KIF11: variants seen among roughly 807,000 people sequenced by gnomAD.
The protein encoded by KIF11 is kinesin-like protein KIF11.
In KIF11, 9 loss-of-function variants were observed where a neutral mutation model predicts 121.0. That is an observed-to-expected ratio of 0.07 (90% CI 0.04 to 0.13). KIF11 has a LOEUF of 0.13. Ranked by LOEUF, KIF11 falls within the 10% of genes least tolerant of loss-of-function variation. The pLI, the probability that KIF11 is intolerant of heterozygous loss-of-function variation, is 1.00. For missense variants in KIF11, 846 were observed against 1,217.5 expected (o/e 0.69, Z 4.54); for synonymous variants, 408 against 421.0 (o/e 0.97, Z 0.38).
chr10:92,652,833 C>G (rs919434081), intron 21 of KIF11, among the ~76,000 whole-genome samples: 2 of 152,120 alleles, frequency 1.3e-5, no homozygotes, highest in Non-Finnish European at 2.9e-5. Context: ...GGTTTTAGAC[C>G]TTCAGCTGAA....
chr10:92,598,692 C>T (rs1714295096), intron 1 of KIF11, among the ~76,000 whole-genome samples: 1 of 152,160 alleles, frequency 6.6e-6, no homozygotes, highest in Admixed American at 6.5e-5. Flanking sequence ...GTATTGGCAT[C>T]TTAACAATAT....
intron 10 of KIF11, among the ~76,000 whole-genome samples, chr10:92,625,645 C>T (rs1017389665): frequency 6.6e-5 from 10 of 152,052 alleles, no homozygotes; most frequent in African/African-American, 1.7e-4. Context: ...TACCGTGCCC[C>T]GCTGGGTGTA....
chr10:92,637,345 A>C (rs1461467561), intron 15 of KIF11, 36 bp downstream of exon 15: 1 of 1,580,300 alleles, frequency 6.3e-7, no homozygotes, highest in Non-Finnish European at 8.5e-7. Context: ...CTCAAAATTG[A>C]TGTGTTGTTT....
intron 1 of KIF11, among the ~76,000 whole-genome samples, chr10:92,594,907 G>A (rs776273396): frequency 4.6e-5 from 7 of 151,718 alleles, no homozygotes; most frequent in Non-Finnish European, 7.4e-5. Context: ...CTTTCAAATA[G>A]CCTTCCTGGT....
At chr10:92,621,611 T>TG in intron 10 of KIF11, 138 bp downstream of exon 10, 1 of 578,740 alleles carries the variant, frequency 1.7e-6, no homozygotes, top group Non-Finnish European at 3.1e-6. Context: ...TGTGTGTGTG[T>TG]TTTCTTTTGA....
chr10:92,623,261 A>G (rs548789285), intron 10 of KIF11, among the ~76,000 whole-genome samples: 4 of 152,290 alleles, frequency 2.6e-5, no homozygotes, highest in African/African-American at 7.2e-5. Context: ...GGCAACCACT[A>G]ATCTGTTCAC....
At chr10:92,617,669 T>C (rs1844571888) in intron 9 of KIF11, among the ~76,000 whole-genome samples, 1 of 152,204 alleles carries the variant, frequency 6.6e-6, no homozygotes, top group Non-Finnish European at 1.5e-5. Flanking sequence ...ACACTTGTTA[T>C]GGTCGGTCTT....
chr10:92,600,801 G>C (rs992170799), intron 1 of KIF11, among the ~76,000 whole-genome samples: 3 of 151,754 alleles, frequency 2.0e-5, no homozygotes, highest in Non-Finnish European at 4.4e-5. Context: ...CGCCCGGCCA[G>C]ATTTTCTATA....
rs1844908181 is a variant in KIF11, at chr10:92,645,437, AG to A, written c.2344del (p.Glu782AsnfsTer17). ...KFCADSDGFS[Q>X]ELRNFNQEGT... ...TGTGCTGATTCTGATGGCTTCTCAC[AG>A]GAACTCAGAAATTTTAACCAAGAAG... On this transcript the variant is annotated frameshift_variant, in exon 18 of 22. Coordinates refer to ENST00000260731, the MANE Select transcript of KIF11 (RefSeq NM_004523.4). LOFTEE classifies it high-confidence loss of function. The A allele has an allele frequency of 6.2e-7, 1 of 1,613,704 alleles. No individual in the cohort carries two copies. Among genetic ancestry groups the A allele is most frequent in the African/African-American group, 1.3e-5 (1 of 74,934 alleles).
intron 8 of KIF11, among the ~76,000 whole-genome samples, chr10:92,614,359 A>C (rs1844531264): frequency 6.6e-6 from 1 of 152,142 alleles, no homozygotes; most frequent in African/African-American, 2.4e-5. Context: ...TGTCTCCCAA[A>C]GTTCTAGGAT....
chr10:92,647,646 T>C (rs1237437242), intron 18 of KIF11, among the ~76,000 whole-genome samples: 2 of 152,118 alleles, frequency 1.3e-5, no homozygotes, highest in Non-Finnish European at 2.9e-5. Context: ...CTGAAGTAAA[T>C]GGATGAAATG....
chr10:92,609,464 C>T lies in KIF11; in HGVS notation c.653C>T (p.Ala218Val). 1 of 1,612,792 alleles carries T rather than the reference C, an allele frequency of 6.2e-7. No homozygotes were observed. The highest frequency in any genetic ancestry group is 8.5e-7 in the Non-Finnish European group (1 of 1,179,594). ...GTCTATCAAATTTTAGAAAAGGGGG[C>T]AGCAAAAAGGACAACTGCAGCTACT... is the stretch of plus-strand genomic sequence containing the variant. ...DEVYQILEKGAAKRTTAATLM... is the reference protein window; with the variant it reads ...DEVYQILEKGVAKRTTAATLM... The change falls in exon 6 of 22, where the codon GCA (alanine) becomes GTA (valine). Residue 218 changes from alanine (A) to valine (V), a missense_variant. Ala to Val is a moderately conservative substitution (Grantham distance 64). This residue lies in a region of KIF11 where 116 missense variants were observed against 285.3 expected (regional missense o/e 0.41). Coordinates refer to ENST00000260731, the MANE Select transcript of KIF11 (RefSeq NM_004523.4).
At chr10:92,610,710 G>A (rs185264239) in intron 6 of KIF11, among the ~76,000 whole-genome samples, 99 of 152,204 alleles carry the variant, frequency 6.5e-4, no homozygotes, top group Non-Finnish European at 7.6e-4. Flanking sequence ...TTATTGTTAG[G>A]ATTAGAAGTC....
At position 92,621,280 on chromosome 10, in the gene KIF11, TA is replaced by T. The variant is rs1351327687; in HGVS notation, c.1129-101del. ...CTTTTTATCATACTTCTTTAAGTTT[TA>T]AAAGACATAAAAAGGCTAACTTTAC... On this transcript the variant is annotated intron_variant, in intron 9 of 21. Transcript: ENST00000260731. 1.2e-5 allele frequency: 7 copies of T among 571,616 alleles called. No homozygotes were observed. In the Admixed American group the frequency reaches 1.9e-4, roughly 15 times the overall value. The allele number at this position is 571,616 out of a possible 1,614,324, so 35.4% of individuals were successfully genotyped here.
At position 92,618,657 on chromosome 10, in the gene KIF11, AG is replaced by A. The variant is rs1206442894; in HGVS notation, c.1128+1826del. 6.8e-3 allele frequency among the ~76,000 whole-genome samples: 1,030 copies of A among 151,322 alleles called. 10 individuals carry two copies. The highest frequency in any genetic ancestry group is 0.024 in the African/African-American group (978 of 40,996). ...AGGCTCTGTCTCAAAAAAAAAAAAA[AG>A]AAAAAAAGTAATAATACAGAGAAAT... On this transcript the variant is annotated intron_variant, in intron 9 of 21. Coordinates refer to ENST00000260731, the MANE Select transcript of KIF11 (RefSeq NM_004523.4).
chr10:92,645,303 G>A (rs1374197413), intron 17 of KIF11, 60 bp from the exon 18 acceptor site: 2 of 1,274,710 alleles, frequency 1.6e-6, no homozygotes, highest in Non-Finnish European at 2.2e-6. Context: ...ATCTTGGGAA[G>A]TTATATATCC....
chr10:92,616,801 A>G lies in KIF11; in HGVS notation c.1097A>G (p.Asn366Ser). ...AKNILNKPEV[N>S]QKLTKKALIK... ...AACATATTGAATAAGCCTGAAGTGA[A>G]TCAGAAACTCACCAAAAAAGCTCTT... The change falls in exon 9 of 22, where the codon AAT becomes AGT. Residue 366 changes from asparagine to serine, a missense_variant. By Grantham distance (46) the Asn-to-Ser change is conservative. Around this residue, in one of 5 missense-constraint regions of KIF11, gnomAD observed 116 missense variants for 285.3 expected, o/e 0.41. Transcript: ENST00000260731. 1 of 1,603,264 alleles carries G rather than the reference A, an allele frequency of 6.2e-7. No individual in the cohort carries two copies. Among genetic ancestry groups the G allele is most frequent in the Admixed American group, 1.7e-5 (1 of 58,532 alleles).
chr10:92,596,983 T>TA, intron 1 of KIF11: 1 of 380,874 alleles, frequency 2.6e-6, no homozygotes, highest in Non-Finnish European at 5.3e-6. Context: ...AGGCTGTAGA[T>TA]ACCAATGCAT....
At chr10:92,620,335 C>T (rs1481137986) in intron 9 of KIF11, among the ~76,000 whole-genome samples, 1 of 152,200 alleles carries the variant, frequency 6.6e-6, no homozygotes, top group Non-Finnish European at 1.5e-5. Context: ...CCGCCTCGGC[C>T]TCCCAAAGTG....
Sources: gnomAD v4.1 joint callset for allele counts (sites outside exome capture counted in the v4.1 genomes callset) on GRCh38, gnomAD v4.1.1 for gene constraint, gnomAD v4.1.1 regional missense constraint, MANE v1.5 for transcripts, NCBI Gene and HGNC (gene_info 2026-07-23, HGNC 2026-07-21) for gene names.